The following ADRA1A variants were observed in gnomAD, a reference collection of about 807,000 sequenced individuals.
ADRA1A encodes the protein adrenoceptor alpha 1A.
ADRA1A carries 31 observed loss-of-function variants against 29.6 expected under a neutral mutation model. The ratio of observed to expected loss-of-function variants is 1.05; its 90% CI spans 0.79 to 1.41. The LOEUF is 1.41. ADRA1A is among the 40% of genes most tolerant of loss of function. The probability of loss-of-function intolerance (pLI) is 0.00; values close to 1 mark genes in which losing one functional copy is unlikely to be tolerated. For missense variants in ADRA1A, 619 were observed against 601.1 expected (o/e 1.03, Z -0.31); for synonymous variants, 311 against 254.3 (o/e 1.22, Z -2.12).
In ADRA1A at chr8:26,770,008, T is replaced by C. The variant is rs1806016808; in HGVS notation, c.*141A>G. On this transcript the variant is annotated 3_prime_UTR_variant, in exon 3 of 3. Transcript: ENST00000380573. ...TGTGCCCTACCCGCTGCCTGATGAG[T>C]TGGGTCTACCACCCACCCCATTCCC... The C allele has an allele frequency of 1.4e-6, 2 of 1,452,832 alleles. No homozygotes were observed. The highest frequency in any genetic ancestry group is 4.6e-5 in the East Asian group (2 of 43,208). 90.0% of individuals were successfully genotyped at this position (1,452,832 alleles called of 1,614,324 possible). A position where few individuals can be genotyped will look rare whatever the true frequency, so the allele number is the denominator to read the frequency against.
chr8:26,837,919 C>T (rs2130683356), intron 2 of ADRA1A, among the ~76,000 whole-genome samples: 1 of 152,286 alleles, frequency 6.6e-6, no homozygotes, highest in African/African-American at 2.4e-5. Context: ...TAGTCTCTAC[C>T]AAAGTAATAC....
At chr8:26,781,203 A>G (rs375000583) in intron 2 of ADRA1A, among the ~76,000 whole-genome samples, 5 of 152,160 alleles carry the variant, frequency 3.3e-5, no homozygotes, top group Non-Finnish European at 2.9e-5. Context: ...TCTTGACTAT[A>G]AACTCCCTTG....
chr8:26,776,499 T>C (rs921491004), intron 2 of ADRA1A, among the ~76,000 whole-genome samples: 1 of 152,188 alleles, frequency 6.6e-6, no homozygotes, highest in South Asian at 2.1e-4. Flanking sequence ...CTGTCCTTTA[T>C]ATGTGAAGAC....
At chr8:26,845,378 A>G (rs36115619) in intron 2 of ADRA1A, among the ~76,000 whole-genome samples, 5,550 of 152,342 alleles carry the variant, frequency 0.036, 162 homozygotes, top group Non-Finnish European at 0.055. Flanking sequence ...GCAAAGCAAC[A>G]TCACTAGAGA....
intron 2 of ADRA1A, among the ~76,000 whole-genome samples, chr8:26,777,683 T>G (rs1241239045): frequency 2.6e-5 from 4 of 152,142 alleles, no homozygotes; most frequent in African/African-American, 4.8e-5. Flanking sequence ...GCAGAAAACT[T>G]GAGTGGTTGG....
Position 26,797,554 on chromosome 8 carries a change from G to A in ADRA1A, c.884-26888C>T, listed in dbSNP as rs190917663. Among the ~76,000 whole-genome samples the A allele has an allele frequency of 2.8e-3, 426 of 151,984 alleles. 8 individuals are homozygous for A. Among genetic ancestry groups the A allele is most frequent in the Admixed American group, 0.024 (359 of 15,250 alleles). On this transcript the variant is annotated intron_variant, in intron 2 of 2. Transcript: ENST00000380573. ...ACTCAAGTGATCCTCCAGCGTTGGCGTCCCAAAGTGCTGAGATTACAGGTG... is the reference window on the plus strand; with the variant it reads ...ACTCAAGTGATCCTCCAGCGTTGGCATCCCAAAGTGCTGAGATTACAGGTG...
At chr8:26,773,875 C>T (rs756125123) in intron 2 of ADRA1A, among the ~76,000 whole-genome samples, 65 of 152,272 alleles carry the variant, frequency 4.3e-4, no homozygotes, top group Non-Finnish European at 7.3e-4. Context: ...TGCTGTGTTC[C>T]AGTCTTCACA....
rs1365936623 is a variant in ADRA1A at position 26,823,043 on chromosome 8, G to C, written c.883+41044C>G. ...GGATTACAATTTGACATGAGATTTG[G>C]GTGGGGACACAGATCCAAACCATAT... On this transcript the variant is annotated intron_variant, in intron 2 of 2. Coordinates refer to ENST00000380573, the MANE Select transcript of ADRA1A (RefSeq NM_000680.4). This position sits in a 1 kb window ranked among gnomAD's most constrained non-coding sequence, Gnocchi z 4.2. 6.6e-6 allele frequency among the ~76,000 whole-genome samples: 1 copy of C among 152,086 alleles called. No homozygotes were observed. The highest frequency in any genetic ancestry group is 1.5e-5 in the Non-Finnish European group (1 of 68,022).
rs1005807345 is a variant in ADRA1A at position 26,815,285 on chromosome 8, A to T, written c.884-44619T>A. 6.6e-6 allele frequency among the ~76,000 whole-genome samples: 1 copy of T among 152,266 alleles called. No individual in the cohort carries two copies. The highest frequency in any genetic ancestry group is 1.5e-5 in the Non-Finnish European group (1 of 68,046). ...CTAGAATACTGAAAACTATTTTGCC[A>T]GAGAACACCTAGACAGAGTGGAAAA... On this transcript the variant is annotated intron_variant, in intron 2 of 2. Coordinates refer to ENST00000380573, the MANE Select transcript of ADRA1A (RefSeq NM_000680.4). The surrounding 1 kb of genome is among the most constrained non-coding windows in gnomAD (Gnocchi z 4.2).
chr8:26,829,233 A>AGCAGGATT (rs1230389266), intron 2 of ADRA1A, among the ~76,000 whole-genome samples: 1 of 152,156 alleles, frequency 6.6e-6, no homozygotes, highest in Non-Finnish European at 1.5e-5. Flanking sequence ...GCTTGACACA[A>AGCAGGATT]GACCATATAA....
At chr8:26,824,992 C>T (rs780039693) in intron 2 of ADRA1A, among the ~76,000 whole-genome samples, 24 of 152,184 alleles carry the variant, frequency 1.6e-4, no homozygotes, top group African/African-American at 3.6e-4. Flanking sequence ...TTGATGGCAT[C>T]GTAGTTCTTC....
intron 2 of ADRA1A, among the ~76,000 whole-genome samples, chr8:26,811,046 A>T (rs983610770): frequency 6.6e-6 from 1 of 152,234 alleles, no homozygotes; most frequent in Non-Finnish European, 1.5e-5. Context: ...CATACAAGAC[A>T]TGGTTTATCA....
At chr8:26,777,113 C>G (rs984153321) in intron 2 of ADRA1A, among the ~76,000 whole-genome samples, 2 of 152,202 alleles carry the variant, frequency 1.3e-5, no homozygotes, top group South Asian at 2.1e-4. Context: ...CTACCAGATG[C>G]CTTTGTGCTG....
rs779788145 is a variant in ADRA1A, at chr8:26,770,286, C to T, written c.1264G>A (p.Ala422Thr). The part of the protein sequence containing the change: ...VSKDQSSCTT[A>T]RVRSKSFLQV... ...AAAAAGCTTTTACTTCTCACCCGGGCTGTGGTACAGGAGGATTGGTCTTTG... is the reference window on the plus strand; with the variant it reads ...AAAAAGCTTTTACTTCTCACCCGGGTTGTGGTACAGGAGGATTGGTCTTTG... Residue 422 changes from alanine to threonine, a missense_variant, in exon 3 of 3, where the codon GCC becomes ACC. Ala to Thr is a moderately conservative substitution (Grantham distance 58). Transcript: ENST00000380573. 4 of 1,614,126 alleles carry T rather than the reference C, an allele frequency of 2.5e-6. No individual in the cohort carries two copies. In the East Asian group the frequency reaches 8.9e-5, roughly 36 times the overall value.
At chr8:26,749,939 G>A (rs1211596617) in intron 2 of ADRA1A, among the ~76,000 whole-genome samples, 2 of 152,114 alleles carry the variant, frequency 1.3e-5, no homozygotes, top group Non-Finnish European at 2.9e-5. Context: ...TTAGTGTTTG[G>A]TTCATGGGGC....
At chr8:26,771,041 T>A (rs955412747) in intron 2 of ADRA1A, among the ~76,000 whole-genome samples, 1 of 152,158 alleles carries the variant, frequency 6.6e-6, no homozygotes, top group African/African-American at 2.4e-5. Flanking sequence ...ATGCAAGTAA[T>A]CCATATTAAA....
rs1464030660 is a variant in ADRA1A, at chr8:26,866,952, G to A, written c.-703C>T. On this transcript the variant is annotated 5_prime_UTR_variant, in exon 1 of 3. Transcript: ENST00000380573. This position sits in a 1 kb window ranked among gnomAD's most constrained non-coding sequence, Gnocchi z 5.7. ...CGCACTCACCTGAAGCGCCGCTGCT[G>A]AGCCACCAGCTCGCGCGCGGGGGAT... The A allele has an allele frequency of 3.0e-6, 3 of 985,176 alleles. No individual in the cohort carries two copies. The highest frequency in any genetic ancestry group is 1.7e-5 in the African/African-American group (1 of 57,232). The allele number at this position is 985,176 out of a possible 1,614,324, so 61.0% of individuals were successfully genotyped here.
chr8:26,811,475 A>C (rs993709218), intron 2 of ADRA1A, among the ~76,000 whole-genome samples: 1 of 152,170 alleles, frequency 6.6e-6, no homozygotes. Context: ...TACAGGCGTG[A>C]GCCACCGCGT....
chr8:26,783,075 T>C (rs1807111340), intron 2 of ADRA1A, among the ~76,000 whole-genome samples: 2 of 152,240 alleles, frequency 1.3e-5, no homozygotes, highest in South Asian at 4.1e-4. Context: ...GGCTTCCTGC[T>C]TCTGGTCTTA....
Sources: gnomAD v4.1 joint callset for allele counts (sites outside exome capture counted in the v4.1 genomes callset) on GRCh38, gnomAD v4.1.1 for gene constraint, Gnocchi (gnomAD v3.1) non-coding constraint, MANE v1.5 for transcripts, NCBI Gene and HGNC (gene_info 2026-07-23, HGNC 2026-07-21) for gene names.